The following METTL2A variants were observed in gnomAD, a reference collection of about 807,000 sequenced individuals.
The protein encoded by METTL2A is methyltransferase 2A, tRNA N3-cytidine.
A neutral mutation model predicts 49.4 loss-of-function variants in METTL2A; 45 were observed. That is an observed-to-expected ratio of 0.91 (90% CI 0.72 to 1.17). The LOEUF (loss-of-function observed/expected upper bound fraction) is 1.17, where lower values mean the gene tolerates loss of function less well. Among genes scored for constraint, METTL2A ranks in the 50% most tolerant of loss-of-function variants. The probability of loss-of-function intolerance (pLI) is 0.00; values close to 1 mark genes in which losing one functional copy is unlikely to be tolerated. For missense variants in METTL2A, 361 were observed against 462.2 expected, an observed-to-expected ratio of 0.78 and a Z score of 2.01; for synonymous variants, 118 against 167.5, an observed-to-expected ratio of 0.70 and a Z score of 2.28.
chr17:62,424,205 T>C lies in METTL2A; in HGVS notation c.111-14T>C, dbSNP rs1338568741. The C allele has an allele frequency of 6.2e-7, 1 of 1,614,144 alleles. No homozygotes were observed. Among genetic ancestry groups the C allele is most frequent in the African/African-American group, 1.3e-5 (1 of 75,044 alleles). On this transcript the variant is annotated splice_polypyrimidine_tract_variant and intron_variant, in intron 1 of 8. Coordinates refer to ENST00000311506, the MANE Select transcript of METTL2A (RefSeq NM_181725.4). ...GGACGTGAGGCCCCTAAGCTGCCCG[T>C]TTGATTTTCTCAGGGACAATGTGGA...
At chr17:62,440,813 C>CT (rs889780207) in intron 6 of METTL2A, 57 bp downstream of exon 6, 116 of 1,559,138 alleles carry the variant, frequency 7.4e-5, no homozygotes, top group Middle Eastern at 3.4e-4. Flanking sequence ...GGTGAGGGAC[C>CT]TTTTTTTTTA....
chr17:62,448,020 A>G (rs1227185765), intron 8 of METTL2A, among the ~76,000 whole-genome samples: 1 of 152,148 alleles, frequency 6.6e-6, no homozygotes, highest in African/African-American at 2.4e-5. Flanking sequence ...CCACTGTCCA[A>G]AATGGGAAGC....
chr17:62,442,753 A>G (rs1427262588), intron 6 of METTL2A, among the ~76,000 whole-genome samples: 2 of 152,320 alleles, frequency 1.3e-5, no homozygotes, highest in African/African-American at 4.8e-5. Context: ...AGAGACTTCA[A>G]ACATCTCCTC....
Position 62,451,748 on chromosome 17 carries a change from G to T in METTL2A, c.*3019G>T, listed in dbSNP as rs1303809774. Among the ~76,000 whole-genome samples, 2 of 152,110 alleles carry T rather than the reference G, an allele frequency of 1.3e-5. No individual in the cohort carries two copies. Among genetic ancestry groups the T allele is most frequent in the East Asian group, 3.9e-4 (2 of 5,162 alleles). On this transcript the variant is annotated 3_prime_UTR_variant, in exon 9 of 9. Transcript: ENST00000311506. ...CTCTACTAAAAATACAAAATAGCCA[G>T]GTGTGATGGCGCATGCCTGTAACCC...
At chr17:62,424,492 A>C (rs1347540829) in intron 2 of METTL2A, among the ~76,000 whole-genome samples, 182 bp downstream of exon 2, 5 of 152,148 alleles carry the variant, frequency 3.3e-5, no homozygotes, top group Non-Finnish European at 7.4e-5. Flanking sequence ...TTGTAACAAA[A>C]TCTTAAGTCG....
At chr17:62,443,856 G>GT (rs2070752199) in intron 6 of METTL2A, among the ~76,000 whole-genome samples, 2 of 151,696 alleles carry the variant, frequency 1.3e-5, no homozygotes, top group South Asian at 4.2e-4. Flanking sequence ...CCGTTTTTTT[G>GT]TTTTTTGGTT....
At chr17:62,428,828 G>A (rs893942057) in intron 4 of METTL2A, among the ~76,000 whole-genome samples, 4 of 152,160 alleles carry the variant, frequency 2.6e-5, no homozygotes, top group African/African-American at 9.7e-5. Context: ...CTGTCATCCC[G>A]ACTAGCGCAC....
At chr17:62,427,907 A>G (rs1036667452) in intron 4 of METTL2A, 70 bp downstream of exon 4, 80 of 1,440,782 alleles carry the variant, frequency 5.6e-5, no homozygotes, top group Non-Finnish European at 7.3e-5. Context: ...GCATTGCTTC[A>G]CGACAGTAAT....
chr17:62,446,998 A>G (rs965730576), intron 7 of METTL2A, among the ~76,000 whole-genome samples: 1 of 152,224 alleles, frequency 6.6e-6, no homozygotes, highest in African/African-American at 2.4e-5. Context: ...GTTCATGATC[A>G]AAACAATATC....
chr17:62,448,914 T>A lies in METTL2A; in HGVS notation c.*185T>A. On this transcript the variant is annotated 3_prime_UTR_variant, in exon 9 of 9. Coordinates refer to ENST00000311506, the MANE Select transcript of METTL2A (RefSeq NM_181725.4). ...TAGTGAGAGACCCTGTATCTGAAAG[T>A]AATAATAAAAATAAAAAATATAAAT... 1.4e-6 allele frequency: 1 copy of A among 729,644 alleles called. No homozygotes were observed. Among genetic ancestry groups the A allele is most frequent in the Non-Finnish European group, 2.0e-6 (1 of 501,980 alleles). The allele number at this position is 729,644 out of a possible 1,614,324, so 45.2% of individuals were successfully genotyped here.
intron 2 of METTL2A, among the ~76,000 whole-genome samples, chr17:62,425,683 C>T (rs1384604261): frequency 1.4e-5 from 2 of 146,742 alleles, no homozygotes; most frequent in Non-Finnish European, 1.5e-5. Flanking sequence ...CTGCACCTGG[C>T]TACTTCTAGG....
intron 2 of METTL2A, among the ~76,000 whole-genome samples, 193 bp downstream of exon 2, chr17:62,424,503 T>C (rs1435322207): frequency 6.6e-6 from 1 of 152,034 alleles, no homozygotes; most frequent in Non-Finnish European, 1.5e-5. Context: ...TCTTAAGTCG[T>C]AGAGGGTTTT....
At chr17:62,428,586 A>G (rs1467023473) in intron 4 of METTL2A, among the ~76,000 whole-genome samples, 1 of 152,192 alleles carries the variant, frequency 6.6e-6, no homozygotes, top group African/African-American at 2.4e-5. Context: ...ATAATTTCCT[A>G]GAATGGCTCA....
chr17:62,433,788 G>A (rs534973092), intron 4 of METTL2A, among the ~76,000 whole-genome samples: 3 of 151,450 alleles, frequency 2.0e-5, no homozygotes, highest in East Asian at 2.0e-4. Flanking sequence ...CTTGCCAGGC[G>A]CGGTGGCTCA....
At chr17:62,428,148 CT>C in intron 4 of METTL2A, among the ~76,000 whole-genome samples, 1 of 152,278 alleles carries the variant, frequency 6.6e-6, no homozygotes, top group East Asian at 1.9e-4. Flanking sequence ...AGACTTAAAA[CT>C]TGCTAGTGTT....
chr17:62,450,859 T>C lies in METTL2A; in HGVS notation c.*2130T>C, dbSNP rs2070801849. 6.6e-6 allele frequency: 1 copy of C among 152,160 alleles called. No homozygotes were observed. The highest frequency in any genetic ancestry group is 1.5e-5 in the Non-Finnish European group (1 of 68,036). The allele number at this position is 152,160 out of a possible 1,614,324, so 9.4% of individuals were successfully genotyped here. ...TGCCTAGCTTTCACCTTGTTGATGT[T>C]TTTCTAAATTTTGGAATAATAAATT... is the stretch of plus-strand genomic sequence containing the variant. On this transcript the variant is annotated 3_prime_UTR_variant, in exon 9 of 9. Coordinates refer to ENST00000311506, the MANE Select transcript of METTL2A (RefSeq NM_181725.4).
At chr17:62,427,145 G>T (rs1024584496) in intron 3 of METTL2A, among the ~76,000 whole-genome samples, 1 of 152,096 alleles carries the variant, frequency 6.6e-6, no homozygotes, top group Non-Finnish European at 1.5e-5. Context: ...TGTCTAGATT[G>T]GTATAATGTA....
At position 62,448,775 on chromosome 17, in the gene METTL2A, C is replaced by CT. The variant is rs201622715; in HGVS notation, c.*52dup. ...GATGCAAGCCCATTGTGTTTCCGGG[C>CT]TTTTTTAAAAAAAAAATTGTAGCAC... is the stretch of plus-strand genomic sequence containing the variant. On this transcript the variant is annotated 3_prime_UTR_variant, in exon 9 of 9. Coordinates refer to ENST00000311506, the MANE Select transcript of METTL2A (RefSeq NM_181725.4). 6.3e-6 allele frequency: 10 copies of CT among 1,595,956 alleles called. No individual in the cohort carries two copies. The East Asian group carries it at 6.7e-5, about 11-fold the overall frequency.
Position 62,426,486 on chromosome 17 carries a change from G to A in METTL2A, c.390G>A (p.Glu130=). ...KSEVPECRNN[E]DGPGLIMEEQ... ...AAGTACCTGAATGTAGAAACAATGA[G>A]GATGGACCTGGTTTAATAATGGAAG... The change falls in exon 3 of 9, where the codon GAG becomes GAA. Residue 130 remains glutamate (E), a synonymous_variant. Transcript: ENST00000311506. 6.2e-7 allele frequency: 1 copy of A among 1,613,872 alleles called. No homozygotes were observed. The highest frequency in any genetic ancestry group is 8.5e-7 in the Non-Finnish European group (1 of 1,179,966).
Sources: allele counts gnomAD v4.1 joint callset (sites outside exome capture counted in the v4.1 genomes callset), GRCh38; gene constraint gnomAD v4.1.1; transcripts MANE v1.5; gene names NCBI Gene and HGNC (gene_info 2026-07-23, HGNC 2026-07-21).